Variants in ROBO1 observed in about 807,000 individuals in gnomAD.
The protein encoded by ROBO1 is roundabout guidance receptor 1, also known as roundabout homolog 1.
ROBO1 carries 149 observed loss-of-function variants against 195.9 expected under a neutral mutation model. The observed-to-expected ratio is 0.76, with a 90% CI of 0.67 to 0.87. The LOEUF is 0.87. Ranked by LOEUF, ROBO1 falls within the 40% of genes least tolerant of loss-of-function variation. The probability of loss-of-function intolerance (pLI) is 0.00; values close to 1 mark genes in which losing one functional copy is unlikely to be tolerated. For synonymous variants in ROBO1, 816 were observed against 733.2 expected, an observed-to-expected ratio of 1.11 and a Z score of -1.82; for missense variants, 1,933 against 2,068.3, an observed-to-expected ratio of 0.93 and a Z score of 1.27.
At chr3:79,553,152 T>A (rs1227302714) in intron 2 of ROBO1, among the ~76,000 whole-genome samples, 1 of 152,032 alleles carries the variant, frequency 6.6e-6, no homozygotes, top group African/African-American at 2.4e-5. Context: ...AGATCATTAC[T>A]GAATGTGATC....
intron 2 of ROBO1, among the ~76,000 whole-genome samples, chr3:79,222,004 G>A (rs2082147797): frequency 6.6e-6 from 1 of 151,858 alleles, no homozygotes; most frequent in African/African-American, 2.4e-5. Context: ...ACAAAATCTG[G>A]GGGGCTTTCG....
At position 78,617,681 on chromosome 3, in the gene ROBO1, C is replaced by T. The variant is rs1559651460; in HGVS notation, c.4236G>A (p.Glu1412=). 6.2e-7 allele frequency: 1 copy of T among 1,613,874 alleles called. No homozygotes were observed. Among genetic ancestry groups the T allele is most frequent in the East Asian group, 2.2e-5 (1 of 44,866 alleles). The change falls in exon 27 of 31, where the codon GAG becomes GAA. Residue 1412 remains glutamate (E), a synonymous_variant. Coordinates refer to ENST00000464233, the MANE Select transcript of ROBO1 (RefSeq NM_002941.4). ...DFAQAVAAAA[E]YAGLKVARRQ... ...GTCGTGCTACTTTCAGACCAGCATA[C>T]TCTGCCGCTGCTGCGACTGCCTGGG...
rs138356978 is a variant in ROBO1 at position 79,701,055 on chromosome 3, T to C, written c.-51+66697A>G. 4.7e-3 allele frequency among the ~76,000 whole-genome samples: 712 copies of C among 152,022 alleles called. 10 individuals are homozygous for C. The highest frequency in any genetic ancestry group is 0.015 in the African/African-American group (617 of 41,540). ...TTCTTCTGCATATGGTAGCCATTTA[T>C]CCCATCACCATTTATCGAATAGAGA... On this transcript the variant is annotated intron_variant, in intron 1 of 30. Transcript: ENST00000464233.
intron 2 of ROBO1, among the ~76,000 whole-genome samples, chr3:79,366,886 C>G (rs1027182734): frequency 2.8e-5 from 3 of 105,432 alleles, no homozygotes; most frequent in Non-Finnish European, 6.2e-5. Flanking sequence ...TTAAGGATGT[C>G]TTAGAAACAG....
chr3:79,259,701 A>G (rs975121948), intron 2 of ROBO1, among the ~76,000 whole-genome samples: 1 of 152,134 alleles, frequency 6.6e-6, no homozygotes, highest in Non-Finnish European at 1.5e-5. Context: ...AGAATACATG[A>G]GAAGCTCAAA....
At chr3:78,620,671 T>C (rs976886225) in intron 26 of ROBO1, among the ~76,000 whole-genome samples, 5 of 152,208 alleles carry the variant, frequency 3.3e-5, no homozygotes, top group Non-Finnish European at 5.9e-5. Context: ...AAGCATATTT[T>C]ATAAGATTTA....
At chr3:79,406,558 T>TTG (rs1035447231) in intron 2 of ROBO1, among the ~76,000 whole-genome samples, 5 of 151,398 alleles carry the variant, frequency 3.3e-5, no homozygotes, top group South Asian at 2.1e-4. Context: ...AAGAGATGCA[T>TTG]TGTGTGTGTG....
intron 1 of ROBO1, among the ~76,000 whole-genome samples, chr3:79,745,756 A>G (rs1703846775): frequency 6.6e-6 from 1 of 152,168 alleles, no homozygotes; most frequent in South Asian, 2.1e-4. Context: ...GAGTGTAATT[A>G]CAATTATAAG....
intron 8 of ROBO1, chr3:78,693,093 TA>T: frequency 2.4e-6 from 1 of 410,044 alleles, no homozygotes; most frequent in Non-Finnish European, 4.3e-6. Flanking sequence ...AGAGAAGAAA[TA>T]AAAGGATGCA....
At chr3:78,943,745 T>C (rs2040265063) in intron 3 of ROBO1, among the ~76,000 whole-genome samples, 1 of 152,124 alleles carries the variant, frequency 6.6e-6, no homozygotes, top group African/African-American at 2.4e-5. Context: ...CAAGAGAAAA[T>C]ATACACTATC....
chr3:78,664,203 A>G lies in ROBO1; in HGVS notation c.1967-2089T>C, dbSNP rs149039216. ...CCTGAAAGAAACGTATGACAATGTAAAAGGTCTTTCTCAACATTCAGAATT... is the reference window on the plus strand; with the variant it reads ...CCTGAAAGAAACGTATGACAATGTAGAAGGTCTTTCTCAACATTCAGAATT... On this transcript the variant is annotated intron_variant, in intron 14 of 30. Coordinates refer to ENST00000464233, the MANE Select transcript of ROBO1 (RefSeq NM_002941.4). 2.0e-3 allele frequency among the ~76,000 whole-genome samples: 298 copies of G among 152,282 alleles called. 2 individuals carry two copies. The highest frequency in any genetic ancestry group is 6.9e-3 in the African/African-American group (286 of 41,552).
At chr3:79,162,429 G>A (rs918932013) in intron 2 of ROBO1, among the ~76,000 whole-genome samples, 30 of 152,048 alleles carry the variant, frequency 2.0e-4, no homozygotes, top group African/African-American at 7.2e-4. Flanking sequence ...GGATATTTTT[G>A]CCTTTATCAT....
intron 4 of ROBO1, among the ~76,000 whole-genome samples, chr3:78,762,940 AC>A (rs931428704): frequency 4.6e-5 from 7 of 152,142 alleles, no homozygotes; most frequent in African/African-American, 1.7e-4. Context: ...GGGATCATAG[AC>A]ATGTTGAAAA....
At chr3:79,493,447 T>C (rs762258443) in intron 2 of ROBO1, among the ~76,000 whole-genome samples, 3 of 152,048 alleles carry the variant, frequency 2.0e-5, no homozygotes, top group African/African-American at 7.2e-5. Context: ...ATTTATGCTG[T>C]TAGACACTGT....
At chr3:79,007,462 A>G (rs2077653113) in intron 3 of ROBO1, among the ~76,000 whole-genome samples, 1 of 152,180 alleles carries the variant, frequency 6.6e-6, no homozygotes, top group Admixed American at 6.5e-5. Flanking sequence ...TGATAGATTG[A>G]GAATAAAAAT....
chr3:78,901,085 A>G (rs2037554446), intron 4 of ROBO1, among the ~76,000 whole-genome samples: 1 of 152,190 alleles, frequency 6.6e-6, no homozygotes, highest in Non-Finnish European at 1.5e-5. Flanking sequence ...TGAGCAATGT[A>G]TGGCAATGTC....
intron 2 of ROBO1, among the ~76,000 whole-genome samples, chr3:79,547,533 T>C (rs1250075327): frequency 1.3e-5 from 2 of 152,162 alleles, no homozygotes; most frequent in Admixed American, 6.6e-5. Flanking sequence ...CAAATATATA[T>C]AATTTAGCCT....
chr3:78,829,435 G>C (rs1283036414), intron 4 of ROBO1, among the ~76,000 whole-genome samples: 1 of 152,072 alleles, frequency 6.6e-6, no homozygotes, highest in Non-Finnish European at 1.5e-5. Flanking sequence ...AATCTAAGGG[G>C]ATAGCTCAAG....
intron 1 of ROBO1, among the ~76,000 whole-genome samples, chr3:79,750,162 A>C (rs140783165): frequency 6.6e-6 from 1 of 152,322 alleles, no homozygotes; most frequent in South Asian, 2.1e-4. Context: ...TTGGAGCTTT[A>C]AGGTTCTACT....
Sources: gnomAD v4.1 joint callset for allele counts (sites outside exome capture counted in the v4.1 genomes callset) on GRCh38, gnomAD v4.1.1 for gene constraint, MANE v1.5 for transcripts, NCBI Gene and HGNC (gene_info 2026-07-23, HGNC 2026-07-21) for gene names.